ADAMTS17: variants seen among roughly 807,000 people sequenced by gnomAD.
ADAMTS17 encodes A disintegrin and metalloproteinase with thrombospondin motifs 17.
Under a neutral mutation model 141.5 loss-of-function variants are expected in ADAMTS17, and 113 were observed. That is an observed-to-expected ratio of 0.80 (90% CI 0.69 to 0.93). The LOEUF (loss-of-function observed/expected upper bound fraction) is 0.93. ADAMTS17 is among the 40% of genes least tolerant of loss of function. The pLI is 0.00. For missense variants in ADAMTS17, 1,659 were observed against 1,517.9 expected (o/e 1.09, Z -1.54); for synonymous variants, 768 against 630.6 (o/e 1.22, Z -3.27).
chr15:100,318,222 C>G (rs1376735134), intron 3 of ADAMTS17, among the ~76,000 whole-genome samples: 1 of 152,082 alleles, frequency 6.6e-6, no homozygotes, highest in East Asian at 1.9e-4. Flanking sequence ...ATTCATGAAA[C>G]AGAGTCAGAC....
intron 3 of ADAMTS17, among the ~76,000 whole-genome samples, chr15:100,327,920 C>T (rs2045943667): frequency 1.3e-5 from 2 of 152,202 alleles, no homozygotes; most frequent in Admixed American, 1.3e-4. Flanking sequence ...GTCCTTCTAG[C>T]CACCAACCCT....
intron 4 of ADAMTS17, among the ~76,000 whole-genome samples, chr15:100,264,264 G>A (rs1046533836): frequency 6.6e-6 from 1 of 152,136 alleles, no homozygotes; most frequent in Admixed American, 6.5e-5. Context: ...GAGGAGGGGG[G>A]AGGCACCCAA....
intron 4 of ADAMTS17, among the ~76,000 whole-genome samples, chr15:100,274,969 C>T (rs1192564441): frequency 6.6e-6 from 1 of 152,140 alleles, no homozygotes; most frequent in Non-Finnish European, 1.5e-5. Context: ...ACTTCAGTGG[C>T]ATTAAAAACC....
chr15:100,030,891 G>C (rs1033166334), intron 18 of ADAMTS17, among the ~76,000 whole-genome samples: 4 of 152,178 alleles, frequency 2.6e-5, no homozygotes, highest in African/African-American at 9.7e-5. Flanking sequence ...TATGTGTGAG[G>C]AGTGTCTTAC....
At chr15:100,084,989 T>C (rs927765084) in intron 15 of ADAMTS17, among the ~76,000 whole-genome samples, 1 of 152,152 alleles carries the variant, frequency 6.6e-6, no homozygotes. Flanking sequence ...CAAAGCTGGA[T>C]GGAGAATGAC....
At chr15:100,303,355 A>G (rs2045110701) in intron 3 of ADAMTS17, among the ~76,000 whole-genome samples, 1 of 151,640 alleles carries the variant, frequency 6.6e-6, no homozygotes, top group Admixed American at 6.6e-5. Context: ...TATTTTAAAT[A>G]CAAGTCTCTT....
rs777693760 is a variant in ADAMTS17, at chr15:100,096,460, C to G, written c.2033G>C (p.Gly678Ala). 5.0e-6 allele frequency: 8 copies of G among 1,614,130 alleles called. No individual in the cohort carries two copies. In the South Asian group the frequency reaches 7.7e-5, roughly 16 times the overall value. Residue 678 changes from glycine to alanine, a missense_variant, in exon 15 of 22, where the codon GGC (glycine) becomes GCC (alanine). By Grantham distance (60) the Gly-to-Ala change is moderately conservative (BLOSUM62 0). Coordinates refer to ENST00000268070, the MANE Select transcript of ADAMTS17 (RefSeq NM_139057.4). ...HGKCQKIGCD[G>A]IIGSAAKEDR... is the part of the protein sequence containing the mutation. ...CTCTTTGGCTGCAGACCCGATGATG[C>G]CGTCACAGCCGATTTTCTAAAGAAC...
At chr15:100,338,771 A>G (rs555612332) in intron 2 of ADAMTS17, among the ~76,000 whole-genome samples, 2 of 152,120 alleles carry the variant, frequency 1.3e-5, no homozygotes, top group Non-Finnish European at 2.9e-5. Flanking sequence ...ACAACTCCAC[A>G]TCTCCACTCA....
intron 7 of ADAMTS17, among the ~76,000 whole-genome samples, chr15:100,214,213 T>C (rs117984808): frequency 0.012 from 1,868 of 152,284 alleles, 31 homozygotes; most frequent in South Asian, 0.061. Flanking sequence ...ACAGGGAAGA[T>C]AGGAACTTAG....
intron 10 of ADAMTS17, among the ~76,000 whole-genome samples, chr15:100,134,676 T>C (rs139098192): frequency 6.6e-6 from 1 of 152,222 alleles, no homozygotes; most frequent in East Asian, 1.9e-4. Flanking sequence ...TTTTTAGAAG[T>C]TGAAGGGATA....
chr15:100,190,941 G>A (rs1243787466), intron 8 of ADAMTS17, among the ~76,000 whole-genome samples: 2 of 152,158 alleles, frequency 1.3e-5, no homozygotes, highest in African/African-American at 2.4e-5. Flanking sequence ...AGTCTCCACT[G>A]GGCCACATAG....
At chr15:100,174,806 C>T (rs1336574263) in intron 8 of ADAMTS17, among the ~76,000 whole-genome samples, 1 of 152,176 alleles carries the variant, frequency 6.6e-6, no homozygotes, top group East Asian at 1.9e-4. Context: ...GAAAGGATTG[C>T]ATGAACGACA....
At chr15:100,330,185 C>CA (rs532375974) in intron 3 of ADAMTS17, among the ~76,000 whole-genome samples, 33 of 152,186 alleles carry the variant, frequency 2.2e-4, no homozygotes, top group Non-Finnish European at 2.8e-4. Context: ...GTTCTCCCCC[C>CA]ACACTGCATC....
At chr15:100,197,407 G>A (rs1454311292) in intron 8 of ADAMTS17, among the ~76,000 whole-genome samples, 1 of 152,160 alleles carries the variant, frequency 6.6e-6, no homozygotes, top group African/African-American at 2.4e-5. Flanking sequence ...AGGTACTACG[G>A]CATGCTGGTT....
chr15:100,237,517 G>C (rs2042695484), intron 7 of ADAMTS17, among the ~76,000 whole-genome samples: 1 of 152,238 alleles, frequency 6.6e-6, no homozygotes, highest in Non-Finnish European at 1.5e-5. Flanking sequence ...GCTTCACAGA[G>C]CAGGCATTGT....
intron 3 of ADAMTS17, among the ~76,000 whole-genome samples, chr15:100,320,856 G>A (rs1283431076): frequency 6.6e-6 from 1 of 152,050 alleles, no homozygotes; most frequent in Non-Finnish European, 1.5e-5. Context: ...AAGAGTAAAG[G>A]TAAAATAAAG....
At chr15:100,150,100 A>G (rs951708711) in intron 10 of ADAMTS17, among the ~76,000 whole-genome samples, 3 of 152,208 alleles carry the variant, frequency 2.0e-5, no homozygotes, top group Non-Finnish European at 4.4e-5. Flanking sequence ...ACAGGAAAAC[A>G]TATTTTGCAG....
rs75289076 is a variant in ADAMTS17 at position 100,171,744 on chromosome 15, G to A, written c.1182-16424C>T. On this transcript the variant is annotated intron_variant, in intron 8 of 21. Coordinates refer to ENST00000268070, the MANE Select transcript of ADAMTS17 (RefSeq NM_139057.4). Reference sequence around the variant, plus strand: ...ACACCTCAATGGCCCAGAACCTCCCGGCAGCCTGGCTCAGTGCTCACCACA... The same window carrying A: ...ACACCTCAATGGCCCAGAACCTCCCAGCAGCCTGGCTCAGTGCTCACCACA... Among the ~76,000 whole-genome samples the A allele has an allele frequency of 8.8e-3, 1,336 of 152,242 alleles. 20 individuals are homozygous for A. Among genetic ancestry groups the A allele is most frequent in the African/African-American group, 0.029 (1,219 of 41,520 alleles).
chr15:100,109,423 A>C (rs2036608357), intron 13 of ADAMTS17, among the ~76,000 whole-genome samples: 1 of 150,086 alleles, frequency 6.7e-6, no homozygotes, highest in African/African-American at 2.4e-5. Flanking sequence ...GTTGTGTGCT[A>C]ATCTCTACGT....
Sources: gnomAD v4.1 joint callset for allele counts (sites outside exome capture counted in the v4.1 genomes callset) on GRCh38, gnomAD v4.1.1 for gene constraint, MANE v1.5 for transcripts, NCBI Gene and HGNC (gene_info 2026-07-23, HGNC 2026-07-21) for gene names.